The following FLT1 variants were observed in gnomAD, a reference collection of about 807,000 sequenced individuals.
The protein encoded by FLT1 is fms related receptor tyrosine kinase 1, also known as vascular endothelial growth factor receptor 1.
A neutral mutation model predicts 156.3 loss-of-function variants in FLT1; 49 were observed. The observed-to-expected ratio is 0.31, with a 90% confidence interval of 0.25 to 0.40. The LOEUF is 0.40. FLT1 is among the 10% of genes least tolerant of loss of function. FLT1 has a pLI of 1.00. For missense variants in FLT1, 1,322 were observed against 1,637.2 expected, an observed-to-expected ratio of 0.81 and a Z score of 3.32; for synonymous variants, 594 against 583.8, an observed-to-expected ratio of 1.02 and a Z score of -0.25.
chr13:28,405,971 G>A (rs1324138437), intron 10 of FLT1, 77 bp from the exon 11 acceptor site: 1 of 792,240 alleles, frequency 1.3e-6, no homozygotes, highest in Non-Finnish European at 2.2e-6. Flanking sequence ...ATGAAAACTT[G>A]GTGTAAGTCC....
intron 12 of FLT1, among the ~76,000 whole-genome samples, chr13:28,391,392 A>G (rs1278575574): frequency 6.6e-6 from 1 of 152,164 alleles, no homozygotes; most frequent in African/African-American, 2.4e-5. Context: ...TCTGAGACAA[A>G]TGCATACCTT....
chr13:28,361,588 A>C (rs1055643631), intron 14 of FLT1, among the ~76,000 whole-genome samples: 18 of 152,200 alleles, frequency 1.2e-4, no homozygotes, highest in African/African-American at 3.9e-4. Flanking sequence ...TATGAACAAA[A>C]GATCTGAGGG....
chr13:28,367,712 C>A lies in FLT1; in HGVS notation c.2117-10027G>T, dbSNP rs546140431. On this transcript the variant is annotated intron_variant, in intron 14 of 29. Coordinates refer to ENST00000282397, the MANE Select transcript of FLT1 (RefSeq NM_002019.4). Reference sequence around the variant, plus strand: ...TGTGTTTGCCTCCTGTTCCCCCCCACACACAAAAGTGGCTTGTTGCTCTCC... The same window carrying A: ...TGTGTTTGCCTCCTGTTCCCCCCCAAACACAAAAGTGGCTTGTTGCTCTCC... Among the ~76,000 whole-genome samples, 8 of 152,340 alleles carry A rather than the reference C, an allele frequency of 5.3e-5. No homozygotes were observed. The South Asian group carries it at 1.7e-3, about 32-fold the overall frequency.
chr13:28,379,754 G>T (rs1438146644), intron 14 of FLT1, among the ~76,000 whole-genome samples: 1 of 152,202 alleles, frequency 6.6e-6, no homozygotes, highest in East Asian at 1.9e-4. Context: ...TTTGGCTCAA[G>T]AATTTACTAC....
At chr13:28,417,960 A>G (rs1421980698) in intron 10 of FLT1, among the ~76,000 whole-genome samples, 5 of 152,066 alleles carry the variant, frequency 3.3e-5, no homozygotes, top group African/African-American at 1.2e-4. Flanking sequence ...TCTCCTGACT[A>G]AATAGCCATG....
Position 28,303,313 on chromosome 13 carries a change from T to C in FLT1, c.3871A>G (p.Ser1291Gly), listed in dbSNP as rs1870592060. The change falls in exon 30 of 30, where the codon AGT becomes GGT. Residue 1291 changes from serine (S) to glycine (G), a missense_variant. Ser to Gly is a moderately conservative substitution (Grantham distance 56). Transcript: ENST00000282397. Reference sequence around the variant, plus strand: ...TGCCCACAGCTGGAATGGCAGAAACTGGGCCTGCTGACATCAGACAGCCCC... The same window carrying C: ...TGCCCACAGCTGGAATGGCAGAAACCGGGCCTGCTGACATCAGACAGCCCC... ...ESGLSDVSRP[S>G]FCHSSCGHVS... 2 of 1,614,148 alleles carry C rather than the reference T, an allele frequency of 1.2e-6. No homozygotes were observed. Among genetic ancestry groups the C allele is most frequent in the Non-Finnish European group, 1.7e-6 (2 of 1,180,030 alleles).
At chr13:28,319,276 C>T (rs1220315204) in intron 24 of FLT1, 147 bp downstream of exon 24, 7 of 678,382 alleles carry the variant, frequency 1.0e-5, no homozygotes, top group Non-Finnish European at 1.9e-5. Flanking sequence ...CATTACTCAT[C>T]TGAGAGTCTA....
intron 3 of FLT1, among the ~76,000 whole-genome samples, chr13:28,455,531 T>C (rs1434086400): frequency 1.3e-5 from 2 of 152,066 alleles, no homozygotes; most frequent in Non-Finnish European, 2.9e-5. Context: ...TGCGAAACTA[T>C]AAAACTCCTA....
intron 14 of FLT1, among the ~76,000 whole-genome samples, chr13:28,372,018 T>TGG (rs1458868231): frequency 4.4e-5 from 5 of 112,730 alleles, no homozygotes; most frequent in South Asian, 3.4e-4. Flanking sequence ...AATAAATCAT[T>TGG]GGTGTGTGTG....
At position 28,495,001 on chromosome 13, in the gene FLT1, C is replaced by T. The variant is rs1881688344; in HGVS notation, c.-158G>A. 2 of 533,190 alleles carry T rather than the reference C, an allele frequency of 3.8e-6. No homozygotes were observed. Among genetic ancestry groups the T allele is most frequent in the South Asian group, 6.3e-5 (2 of 31,744 alleles). 33.0% of individuals were successfully genotyped at this position (533,190 alleles called of 1,614,324 possible). Reference sequence around the variant, plus strand: ...GAGACAACCACTTCCCCGGGTAATCCTCGCCGCCAGGCGCCCGCTGGCCGC... The same window carrying T: ...GAGACAACCACTTCCCCGGGTAATCTTCGCCGCCAGGCGCCCGCTGGCCGC... On this transcript the variant is annotated 5_prime_UTR_variant, in exon 1 of 30. Transcript: ENST00000282397. This position sits in a 1 kb window ranked among gnomAD's most constrained non-coding sequence, Gnocchi z 4.1.
chr13:28,304,901 G>T (rs140576437), intron 29 of FLT1, among the ~76,000 whole-genome samples: 1 of 152,118 alleles, frequency 6.6e-6, no homozygotes, highest in African/African-American at 2.4e-5. Flanking sequence ...ATATTGTGTG[G>T]ATATACCATA....
chr13:28,422,236 A>G (rs1482420907), intron 10 of FLT1, among the ~76,000 whole-genome samples: 1 of 152,218 alleles, frequency 6.6e-6, no homozygotes, highest in Non-Finnish European at 1.5e-5. Context: ...ATGTTTCTCT[A>G]CATATTTTGA....
chr13:28,491,795 AGG>A (rs1319757647), intron 1 of FLT1, among the ~76,000 whole-genome samples: 14 of 152,238 alleles, frequency 9.2e-5, no homozygotes, highest in Admixed American at 9.2e-4. Flanking sequence ...GAGTCAGAAA[AGG>A]GCCTTAGAAA....
At chr13:28,491,849 A>C (rs555048914) in intron 1 of FLT1, among the ~76,000 whole-genome samples, 1 of 152,252 alleles carries the variant, frequency 6.6e-6, no homozygotes, top group Non-Finnish European at 1.5e-5. Context: ...ATACGAAAAC[A>C]AAGTACCCAC....
At chr13:28,409,164 A>G (rs1374537553) in intron 10 of FLT1, among the ~76,000 whole-genome samples, 3 of 152,068 alleles carry the variant, frequency 2.0e-5, no homozygotes, top group Non-Finnish European at 4.4e-5. Context: ...GCCACCCTCT[A>G]TATATGCAGA....
At chr13:28,341,867 TCCA>T (rs781026930) in intron 16 of FLT1, among the ~76,000 whole-genome samples, 24 of 152,052 alleles carry the variant, frequency 1.6e-4, no homozygotes, top group Non-Finnish European at 3.1e-4. Flanking sequence ...AATGTACCTT[TCCA>T]GTTTTATTTT....
At position 28,344,091 on chromosome 13, in the gene FLT1, C is replaced by G. The variant is rs548348727; in HGVS notation, c.2355+1354G>C. 2.1e-4 allele frequency among the ~76,000 whole-genome samples: 32 copies of G among 152,108 alleles called. No homozygotes were observed. In the South Asian group the frequency reaches 5.8e-3, roughly 28 times the overall value. On this transcript the variant is annotated intron_variant, in intron 16 of 29. Coordinates refer to ENST00000282397, the MANE Select transcript of FLT1 (RefSeq NM_002019.4). ...TATCTGTCACACTAGGTGCCCCACT[C>G]CCCCCATTCCTGCCTTAGTCTAACA...
At chr13:28,369,342 T>A (rs912577996) in intron 14 of FLT1, among the ~76,000 whole-genome samples, 14 of 151,928 alleles carry the variant, frequency 9.2e-5, no homozygotes, top group African/African-American at 3.1e-4. Flanking sequence ...CTGGCCAACA[T>A]GGTGAAACTC....
At chr13:28,419,248 G>A (rs958751151) in intron 10 of FLT1, among the ~76,000 whole-genome samples, 1 of 152,090 alleles carries the variant, frequency 6.6e-6, no homozygotes, top group African/African-American at 2.4e-5. Flanking sequence ...TCACCTAAAA[G>A]GGCACTGATT....
Sources: allele counts gnomAD v4.1 joint callset (sites outside exome capture counted in the v4.1 genomes callset), GRCh38; gene constraint gnomAD v4.1.1; non-coding constraint Gnocchi (gnomAD v3.1); transcripts MANE v1.5; gene names NCBI Gene and HGNC (gene_info 2026-07-23, HGNC 2026-07-21).